The following NADK variants were observed in gnomAD, a reference collection of about 807,000 sequenced individuals.
NADK encodes poly(P)/ATP NAD kinase.
In NADK, 22 loss-of-function variants were observed where a neutral mutation model predicts 49.8. That is an observed-to-expected ratio of 0.44 (90% CI 0.32 to 0.63). The LOEUF (loss-of-function observed/expected upper bound fraction) is 0.63. NADK is among the 30% of genes least tolerant of loss of function. The pLI is 0.06. For synonymous variants in NADK, 268 were observed against 253.7 expected (o/e 1.06, Z -0.54); for missense variants, 438 against 609.4 (o/e 0.72, Z 2.96).
chr1:1,755,860 C>G, intron 6 of NADK: 2 of 436,004 alleles, frequency 4.6e-6, no homozygotes, highest in Non-Finnish European at 8.4e-6. Context: ...CACCAACATG[C>G]AGTGGGCCAA....
chr1:1,767,326 A>T (rs1645918449), intron 1 of NADK, among the ~76,000 whole-genome samples: 1 of 152,232 alleles, frequency 6.6e-6, no homozygotes, highest in Admixed American at 6.5e-5. Flanking sequence ...CAACCCAGGG[A>T]TCAAAGTGAA....
Position 1,756,334 on chromosome 1 carries a change from T to A in NADK, c.509A>T (p.Asp170Val). Residue 170 changes from aspartate to valine, a missense_variant, in exon 6 of 12, where the codon GAC (aspartate) becomes GTC (valine). Coordinates refer to ENST00000341426, the MANE Select transcript of NADK (RefSeq NM_023018.5). ...KFCTFREDYDDISNQIDFIIC... is the reference protein window; with the variant it reads ...KFCTFREDYDVISNQIDFIIC... ...GATGAAGTCTATCTGATTGGAAATG[T>A]CATCATAATCTAGGAAACACAAAGC... is the stretch of plus-strand genomic sequence containing the variant. The A allele has an allele frequency of 6.2e-7, 1 of 1,614,046 alleles. No individual in the cohort carries two copies. The highest frequency in any genetic ancestry group is 8.5e-7 in the Non-Finnish European group (1 of 1,179,956).
intron 2 of NADK, among the ~76,000 whole-genome samples, chr1:1,762,949 C>A (rs1645773465): frequency 6.6e-6 from 1 of 152,248 alleles, no homozygotes; most frequent in South Asian, 2.1e-4. Flanking sequence ...AGCACTGAGG[C>A]TGCCCTCGTC....
chr1:1,779,000 C>T (rs991361152), upstream of NADK, among the ~76,000 whole-genome samples: 1 of 152,228 alleles, frequency 6.6e-6, no homozygotes, highest in South Asian at 2.1e-4. The surrounding 1 kb of genome is among the most constrained non-coding windows in gnomAD (Gnocchi z 4.9). Flanking sequence ...CTTAGAGCAG[C>T]TGCGGCAGCG....
chr1:1,779,861 G>T (rs977159033), upstream of NADK: 1 of 152,392 alleles, frequency 6.6e-6, no homozygotes, highest in African/African-American at 2.4e-5. Context: ...CCCAGGGTCG[G>T]TGTGGACCTG....
Position 1,753,589 on chromosome 1 carries a change from G to T in NADK, c.1162C>A (p.Gln388Lys). 1.2e-6 allele frequency: 2 copies of T among 1,612,682 alleles called. No individual in the cohort carries two copies. Among genetic ancestry groups the T allele is most frequent in the Non-Finnish European group, 1.7e-6 (2 of 1,179,478 alleles). ...CACCTGTCTCCATGGCGGATCTCTT[G>T]TCTCTTCCGTCCATCAAAGGACACC... is the stretch of plus-strand genomic sequence containing the variant. ...AWVSFDGRKR[Q>K]EIRHGDSISI... Residue 388 changes from glutamine (Q) to lysine (K), a missense_variant, in exon 11 of 12, where the codon CAA (glutamine) becomes AAA (lysine). By Grantham distance (53) the Gln-to-Lys change is moderately conservative (BLOSUM62 1). Coordinates refer to ENST00000341426, the MANE Select transcript of NADK (RefSeq NM_023018.5).
intron 3 of NADK, chr1:1,758,377 T>C (rs749543444): frequency 6.2e-7 from 1 of 1,610,258 alleles, no homozygotes; most frequent in Non-Finnish European, 8.5e-7. Context: ...TGTGCAGGCA[T>C]TACTGGGAGG....
At chr1:1,774,268 T>A (rs1445733894) in intron 1 of NADK, among the ~76,000 whole-genome samples, 1 of 152,014 alleles carries the variant, frequency 6.6e-6, no homozygotes, top group Non-Finnish European at 1.5e-5. Flanking sequence ...TTCGCTGATG[T>A]TGTCCAGGCT....
chr1:1,761,378 G>A (rs565287417), intron 3 of NADK, among the ~76,000 whole-genome samples: 296 of 152,170 alleles, frequency 1.9e-3, no homozygotes, highest in African/African-American at 6.4e-3. Context: ...TGCCTGCTTC[G>A]GACTCCCACA....
intron 1 of NADK, among the ~76,000 whole-genome samples, chr1:1,767,398 C>T (rs1005789829): frequency 3.3e-5 from 5 of 152,126 alleles, no homozygotes; most frequent in Admixed American, 1.3e-4. Flanking sequence ...CTGCCAGGGT[C>T]GGTTCAATCC....
chr1:1,757,840 C>T (rs1645579452), intron 3 of NADK, among the ~76,000 whole-genome samples: 1 of 152,146 alleles, frequency 6.6e-6, no homozygotes. Flanking sequence ...CAGCTCACTA[C>T]CTCCCTGCAT....
chr1:1,764,100 T>A (rs374052883), intron 2 of NADK, among the ~76,000 whole-genome samples: 1 of 152,126 alleles, frequency 6.6e-6, no homozygotes, highest in Non-Finnish European at 1.5e-5. Flanking sequence ...AGCGACTCTG[T>A]AGACAGAAAA....
intron 1 of NADK, among the ~76,000 whole-genome samples, chr1:1,773,615 C>T (rs1278047794): frequency 6.7e-6 from 1 of 148,968 alleles, no homozygotes; most frequent in South Asian, 2.1e-4. Context: ...ATAAACAAAT[C>T]AAAATCACAA....
intron 3 of NADK, among the ~76,000 whole-genome samples, chr1:1,760,496 C>G (rs940293405): frequency 7.2e-5 from 11 of 152,366 alleles, no homozygotes; most frequent in Admixed American, 3.3e-4. Context: ...TGTGCGCCCC[C>G]AGCCTCCATG....
intron 1 of NADK, among the ~76,000 whole-genome samples, chr1:1,774,824 T>C (rs1037835760): frequency 2.0e-5 from 3 of 152,044 alleles, no homozygotes; most frequent in Non-Finnish European, 2.9e-5. Flanking sequence ...AAAACCTTTG[T>C]AGGGCGGGCA....
In NADK at chr1:1,755,393, T is replaced by C. The variant is rs1016155666; in HGVS notation, c.669A>G (p.Gln223=). The C allele has an allele frequency of 8.7e-6, 14 of 1,613,812 alleles. No individual in the cohort carries two copies. Among genetic ancestry groups the C allele is most frequent in the Non-Finnish European group, 1.2e-5 (14 of 1,179,760 alleles). Residue 223 remains glutamine, a synonymous_variant, in exon 7 of 12, where the codon CAA becomes CAG. Coordinates refer to ENST00000341426, the MANE Select transcript of NADK (RefSeq NM_023018.5). The part of the protein sequence containing the change: ...TPFSFENFQS[Q]VTQVIEGNAA... ...ACTCACCCTCTATCACCTGAGTAAC[T>C]TGGGACTGAAAGTTCTCAAAGCTGA...
At chr1:1,770,189 G>GA (rs1396101872) in intron 1 of NADK, among the ~76,000 whole-genome samples, 1 of 145,838 alleles carries the variant, frequency 6.9e-6, no homozygotes, top group Non-Finnish European at 1.5e-5. Context: ...AAAGAAAAAA[G>GA]AAAAAAAGAA....
At chr1:1,764,955 G>A (rs1036041489) in intron 2 of NADK, among the ~76,000 whole-genome samples, 1 of 152,202 alleles carries the variant, frequency 6.6e-6, no homozygotes, top group African/African-American at 2.4e-5. Flanking sequence ...GGTCAGCGTA[G>A]GCGCCAGTTA....
intron 6 of NADK, among the ~76,000 whole-genome samples, 199 bp from the exon 7 acceptor site, chr1:1,755,675 T>C (rs565739301): frequency 1.4e-4 from 21 of 151,226 alleles, no homozygotes; most frequent in African/African-American, 4.6e-4. Context: ...AAGGTTGGTG[T>C]GGGGAGCTGG....
Sources: allele counts gnomAD v4.1 joint callset (sites outside exome capture counted in the v4.1 genomes callset), GRCh38; gene constraint gnomAD v4.1.1; non-coding constraint Gnocchi (gnomAD v3.1); transcripts MANE v1.5; gene names NCBI Gene and HGNC (gene_info 2026-07-23, HGNC 2026-07-21).